The following OR2L13 variants were observed in gnomAD, a reference collection of about 807,000 sequenced individuals.
OR2L13 encodes the protein olfactory receptor family 2 subfamily L member 13, also known as olfactory receptor 2L13.
Under a neutral mutation model 15.3 loss-of-function variants are expected in OR2L13, and 14 were observed. That is an observed-to-expected ratio of 0.91 (90% CI 0.60 to 1.43). The LOEUF (loss-of-function observed/expected upper bound fraction) is 1.43. Among genes scored for constraint, OR2L13 ranks in the 40% most tolerant of loss-of-function variants. The pLI, the probability that OR2L13 is intolerant of heterozygous loss-of-function variation, is 0.00. For synonymous variants in OR2L13, 152 were observed against 142.9 expected (o/e 1.06, Z -0.45); for missense variants, 367 against 387.9 (o/e 0.95, Z 0.45).
At chr1:248,053,833 A>C in the OR2L13 span, among the ~76,000 whole-genome samples, 1 of 152,050 alleles carries the variant, frequency 6.6e-6, no homozygotes, top group Non-Finnish European at 1.5e-5. Context: ...AATTTGCTTA[A>C]GTTCTTTGTA....
At chr1:248,035,387 T>A in the OR2L13 span, among the ~76,000 whole-genome samples, 1 of 151,994 alleles carries the variant, frequency 6.6e-6, no homozygotes, top group South Asian at 2.1e-4. Context: ...AGGCGGAGCT[T>A]GCAGTGAGCC....
At chr1:248,081,932 G>A in the OR2L13 span, among the ~76,000 whole-genome samples, 458 of 152,250 alleles carry the variant, frequency 3.0e-3, 5 homozygotes, top group Non-Finnish European at 5.1e-3. Flanking sequence ...GTCTGAAATG[G>A]CGGGTTAACT....
At chr1:248,037,096 G>C in the OR2L13 span, among the ~76,000 whole-genome samples, 1 of 152,164 alleles carries the variant, frequency 6.6e-6, no homozygotes, top group Admixed American at 6.5e-5. Flanking sequence ...AGGCAAAAGA[G>C]AATGGACATT....
the OR2L13 span, chr1:247,965,648 C>T: frequency 2.6e-6 from 4 of 1,548,024 alleles, no homozygotes; most frequent in African/African-American, 5.5e-5. Context: ...CAGAGTAAGA[C>T]CATTAGATTT....
chr1:248,028,980 A>G, the OR2L13 span: 1 of 152,210 alleles, frequency 6.6e-6, no homozygotes, highest in Non-Finnish European at 1.5e-5. Flanking sequence ...CTTGCAAAAA[A>G]ATTCTTCGAC....
chr1:248,035,323 C>A, the OR2L13 span, among the ~76,000 whole-genome samples: 4 of 152,024 alleles, frequency 2.6e-5, no homozygotes, highest in Non-Finnish European at 5.9e-5. Flanking sequence ...GTGGCAGGTG[C>A]CTGTAGTCCC....
the OR2L13 span, among the ~76,000 whole-genome samples, chr1:248,070,731 A>G: frequency 6.6e-6 from 1 of 152,162 alleles, no homozygotes; most frequent in Non-Finnish European, 1.5e-5. Context: ...ACCACTAGCA[A>G]GACTAATAAA....
chr1:248,021,156 G>A, the OR2L13 span, among the ~76,000 whole-genome samples: 6,381 of 151,970 alleles, frequency 0.042, 434 homozygotes, highest in African/African-American at 0.15. Flanking sequence ...TTTGTGTTGG[G>A]CATCAAACAT....
the OR2L13 span, among the ~76,000 whole-genome samples, chr1:247,948,492 T>A: frequency 1.4e-4 from 21 of 152,090 alleles, no homozygotes; most frequent in Non-Finnish European, 2.8e-4. Flanking sequence ...AATGTGAAAC[T>A]CTGGGTAAGA....
chr1:247,955,763 T>C, the OR2L13 span, among the ~76,000 whole-genome samples: 1 of 152,106 alleles, frequency 6.6e-6, no homozygotes, highest in African/African-American at 2.4e-5. Flanking sequence ...TGTCCGTTCA[T>C]ATTCTTCGCC....
the OR2L13 span, among the ~76,000 whole-genome samples, chr1:247,973,727 GA>G: frequency 3.9e-5 from 6 of 152,228 alleles, no homozygotes; most frequent in South Asian, 2.1e-4. Context: ...ACCACAATAA[GA>G]TATCTTCTCA....
chr1:247,939,046 A>T, the OR2L13 span: 1 of 152,192 alleles, frequency 6.6e-6, no homozygotes, highest in Non-Finnish European at 1.5e-5. Flanking sequence ...AGGATGCAAG[A>T]CATTAATTAG....
At chr1:248,005,325 A>C in the OR2L13 span, among the ~76,000 whole-genome samples, 1 of 152,146 alleles carries the variant, frequency 6.6e-6, no homozygotes, top group Non-Finnish European at 1.5e-5. Context: ...TATTATAGTA[A>C]TTAAAAATAA....
At chr1:248,081,257 T>C in the OR2L13 span, among the ~76,000 whole-genome samples, 1 of 152,162 alleles carries the variant, frequency 6.6e-6, no homozygotes, top group African/African-American at 2.4e-5. Flanking sequence ...TTTTATTTTA[T>C]ATTTAATTTC....
the OR2L13 span, chr1:247,966,321 C>A: frequency 6.2e-7 from 1 of 1,612,554 alleles, no homozygotes; most frequent in Non-Finnish European, 8.5e-7. Context: ...GAAAATATGA[C>A]TTCAGATCTC....
chr1:248,066,125 T>C, the OR2L13 span, among the ~76,000 whole-genome samples: 1 of 152,254 alleles, frequency 6.6e-6, no homozygotes, highest in Admixed American at 6.5e-5. Flanking sequence ...AGCCAGTTTC[T>C]CTTTTTTCTG....
the OR2L13 span, chr1:248,003,968 C>T: frequency 6.2e-7 from 1 of 1,613,976 alleles, no homozygotes; most frequent in South Asian, 1.1e-5. Flanking sequence ...CTACACCACC[C>T]TCACCCCAAT....
At chr1:247,948,914 AT>A in the OR2L13 span, 2 of 1,613,742 alleles carry the variant, frequency 1.2e-6, no homozygotes, top group African/African-American at 1.3e-5. Flanking sequence ...TGTTTCCACC[AT>A]CAAGAATTGA....
At chr1:247,985,680 G>C in the OR2L13 span, among the ~76,000 whole-genome samples, 1 of 151,960 alleles carries the variant, frequency 6.6e-6, no homozygotes, top group Non-Finnish European at 1.5e-5. Flanking sequence ...CTGAGGAATC[G>C]CCACACTGAC....
Sources: allele counts gnomAD v4.1 joint callset (sites outside exome capture counted in the v4.1 genomes callset), GRCh38; gene constraint gnomAD v4.1.1; transcripts MANE v1.5; gene names NCBI Gene and HGNC (gene_info 2026-07-23, HGNC 2026-07-21).